The following NRIP1 variants were observed in gnomAD, a reference collection of about 807,000 sequenced individuals.
NRIP1 encodes nuclear receptor interacting protein 1, also known as nuclear receptor-interacting protein 1.
In NRIP1, 28 loss-of-function variants were observed where a neutral mutation model predicts 75.0. That is an observed-to-expected ratio of 0.37 (90% CI 0.28 to 0.51). NRIP1 has a LOEUF of 0.51. NRIP1 is among the 20% of genes least tolerant of loss of function. The pLI, the probability that NRIP1 is intolerant of heterozygous loss-of-function variation, is 0.92. For missense variants in NRIP1, 1,435 were observed against 1,343.7 expected (o/e 1.07, Z -1.06); for synonymous variants, 526 against 487.6 (o/e 1.08, Z -1.04).
At chr21:15,041,491 G>C (rs1220508555) in intron 2 of NRIP1, among the ~76,000 whole-genome samples, 3 of 152,026 alleles carry the variant, frequency 2.0e-5, no homozygotes, top group Non-Finnish European at 4.4e-5. Context: ...ATAAAAATAA[G>C]AAACTTCTTC....
At chr21:15,043,121 A>G (rs1210895376) in intron 2 of NRIP1, among the ~76,000 whole-genome samples, 1 of 152,226 alleles carries the variant, frequency 6.6e-6, no homozygotes, top group South Asian at 2.1e-4. Context: ...ACAGGCAGGA[A>G]GACTTTTAAG....
intron 2 of NRIP1, among the ~76,000 whole-genome samples, chr21:15,043,236 T>TA (rs1568726342): frequency 6.6e-6 from 1 of 152,224 alleles, no homozygotes; most frequent in African/African-American, 2.4e-5. Context: ...TCTATAGTAG[T>TA]AAAGTAAAAT....
intron 1 of NRIP1, chr21:15,050,500 CG>C (rs559424631): frequency 1.1e-3 from 348 of 326,186 alleles, no homozygotes; most frequent in African/African-American, 6.6e-3. Flanking sequence ...ATAACCAAAA[CG>C]TAGTATTTGT....
At chr21:14,994,530 T>TA (rs1342291133) in intron 3 of NRIP1, among the ~76,000 whole-genome samples, 1 of 152,230 alleles carries the variant, frequency 6.6e-6, no homozygotes. Context: ...TTCTGAGTGA[T>TA]ATGACATGGA....
intron 3 of NRIP1, among the ~76,000 whole-genome samples, chr21:14,994,639 C>G (rs2087670819): frequency 6.6e-6 from 1 of 152,078 alleles, no homozygotes; most frequent in South Asian, 2.1e-4. Flanking sequence ...ACATTGTTGT[C>G]AACTGCAAAC....
At chr21:15,008,491 C>T (rs2088027201) in intron 3 of NRIP1, among the ~76,000 whole-genome samples, 1 of 152,122 alleles carries the variant, frequency 6.6e-6, no homozygotes, top group Non-Finnish European at 1.5e-5. Context: ...AATGACCTTA[C>T]TGAGTATCCA....
intron 1 of NRIP1, among the ~76,000 whole-genome samples, chr21:15,054,468 T>C (rs2089265939): frequency 1.3e-5 from 2 of 152,214 alleles, no homozygotes; most frequent in African/African-American, 2.4e-5. Context: ...AAACAAATTA[T>C]TTCAAGTACC....
At chr21:15,022,516 T>C (rs2147214945) in intron 2 of NRIP1, among the ~76,000 whole-genome samples, 1 of 152,254 alleles carries the variant, frequency 6.6e-6, no homozygotes, top group South Asian at 2.1e-4. Flanking sequence ...AACTTGCGCA[T>C]CCTGCACATG....
At chr21:15,033,568 T>C (rs2088762216) in intron 2 of NRIP1, among the ~76,000 whole-genome samples, 1 of 152,214 alleles carries the variant, frequency 6.6e-6, no homozygotes, top group African/African-American at 2.4e-5. Context: ...TATACTGTAA[T>C]GGTGACTTTC....
chr21:15,003,820 A>G (rs2087903058), intron 3 of NRIP1, among the ~76,000 whole-genome samples: 1 of 152,216 alleles, frequency 6.6e-6, no homozygotes, highest in South Asian at 2.1e-4. Context: ...ACTGGAAACT[A>G]CACAGAAGTA....
intron 1 of NRIP1, among the ~76,000 whole-genome samples, chr21:15,062,173 C>T (rs182761426): frequency 1.8e-3 from 269 of 152,318 alleles, no homozygotes; most frequent in East Asian, 3.3e-3. Context: ...TGTGATAAGC[C>T]ACATGGCAAC....
intron 3 of NRIP1, among the ~76,000 whole-genome samples, chr21:14,977,185 AC>A (rs1380206076): frequency 3.3e-5 from 5 of 152,206 alleles, no homozygotes; most frequent in African/African-American, 1.2e-4. Context: ...GGTAAGAAAA[AC>A]ATTAATATGT....
At chr21:15,065,783 C>A (rs1442824687), upstream of NRIP1, 5 of 152,410 alleles carry the variant, frequency 3.3e-5, no homozygotes, top group Non-Finnish European at 5.9e-5. Context: ...CAGGGTTAAT[C>A]CTCGGCTGCT....
chr21:15,034,573 T>C (rs2088789369), intron 2 of NRIP1, among the ~76,000 whole-genome samples: 1 of 152,154 alleles, frequency 6.6e-6, no homozygotes, highest in Non-Finnish European at 1.5e-5. Flanking sequence ...CAGAAACTGT[T>C]TTTCCTAACC....
chr21:15,061,747 G>A (rs995243327), intron 1 of NRIP1, among the ~76,000 whole-genome samples: 1 of 151,960 alleles, frequency 6.6e-6, no homozygotes, highest in African/African-American at 2.4e-5. Context: ...CATTCTTTAC[G>A]TTTTAAAATT....
chr21:15,008,253 T>C (rs1311386984), intron 3 of NRIP1, among the ~76,000 whole-genome samples: 1 of 151,944 alleles, frequency 6.6e-6, no homozygotes, highest in Non-Finnish European at 1.5e-5. Context: ...AGGGATCAGG[T>C]TGAGGCAAGT....
intron 2 of NRIP1, among the ~76,000 whole-genome samples, chr21:15,038,448 G>C (rs992305847): frequency 1.3e-5 from 2 of 151,834 alleles, no homozygotes; most frequent in Non-Finnish European, 2.9e-5. Flanking sequence ...AAAATATAAT[G>C]TATGTCTCCT....
In NRIP1 at chr21:14,967,540, G is replaced by A; in HGVS notation, c.653C>T (p.Ser218Phe). ...TCCACTTTGTCCAACATGATGAGGA[G>A]ACTCTGCAAACCTATCTCTGATGAG... ...KNLIRDRFAE[S>F]PHHVGQSGTK... The change falls in exon 4 of 4, where the codon TCT becomes TTT. Residue 218 changes from serine to phenylalanine, a missense_variant. Coordinates refer to ENST00000318948, the MANE Select transcript of NRIP1 (RefSeq NM_003489.4). The A allele has an allele frequency of 6.2e-7, 1 of 1,614,166 alleles. No homozygotes were observed. The highest frequency in any genetic ancestry group is 8.5e-7 in the Non-Finnish European group (1 of 1,180,030).
chr21:15,058,741 A>G (rs920351746), intron 1 of NRIP1, among the ~76,000 whole-genome samples: 64 of 152,328 alleles, frequency 4.2e-4, no homozygotes, highest in African/African-American at 1.4e-3. Flanking sequence ...TTAAAGCAGT[A>G]ACATATTTAA....
Sources: allele counts gnomAD v4.1 joint callset (sites outside exome capture counted in the v4.1 genomes callset), GRCh38; gene constraint gnomAD v4.1.1; transcripts MANE v1.5; gene names NCBI Gene and HGNC (gene_info 2026-07-23, HGNC 2026-07-21).